The following AGPAT5 variants were observed in gnomAD, a reference collection of about 807,000 sequenced individuals.
AGPAT5 encodes the protein 1-acyl-sn-glycerol-3-phosphate acyltransferase epsilon.
In AGPAT5, 46 loss-of-function variants were observed where a neutral mutation model predicts 45.6. The ratio of observed to expected loss-of-function variants is 1.01; its 90% CI spans 0.80 to 1.29. The LOEUF is 1.29. Among genes scored for constraint, AGPAT5 ranks in the 50% most tolerant of loss-of-function variants. The pLI is 0.00. For missense variants in AGPAT5, 673 were observed against 450.7 expected, an observed-to-expected ratio of 1.49 and a Z score of -4.47; for synonymous variants, 272 against 167.0, an observed-to-expected ratio of 1.63 and a Z score of -4.85.
chr8:6,744,320 G>A (rs182838831), intron 5 of AGPAT5, among the ~76,000 whole-genome samples: 23 of 152,308 alleles, frequency 1.5e-4, no homozygotes, highest in Non-Finnish European at 2.9e-4. Flanking sequence ...AAGAAAGCTA[G>A]TGCTCAGCTT....
At chr8:6,747,477 A>G (rs958532807) in intron 5 of AGPAT5, among the ~76,000 whole-genome samples, 193 bp from the exon 6 acceptor site, 4 of 152,262 alleles carry the variant, frequency 2.6e-5, no homozygotes, top group Non-Finnish European at 5.9e-5. Flanking sequence ...TATATAGCAA[A>G]TGAATATTGA....
At chr8:6,721,215 T>C (rs761769535) in intron 1 of AGPAT5, among the ~76,000 whole-genome samples, 2 of 152,230 alleles carry the variant, frequency 1.3e-5, no homozygotes, top group Non-Finnish European at 2.9e-5. Context: ...AGAAATCTTA[T>C]AATGATTAAC....
At chr8:6,752,191 A>G (rs1484334689) in intron 6 of AGPAT5, among the ~76,000 whole-genome samples, 1 of 152,194 alleles carries the variant, frequency 6.6e-6, no homozygotes, top group South Asian at 2.1e-4. Context: ...AAAAGGGATC[A>G]GGGAAGAGGG....
chr8:6,717,727 C>A (rs1800375869), intron 1 of AGPAT5, among the ~76,000 whole-genome samples: 1 of 152,178 alleles, frequency 6.6e-6, no homozygotes, highest in Non-Finnish European at 1.5e-5. Context: ...GGTGCACTTA[C>A]ATATTGCATT....
intron 1 of AGPAT5, among the ~76,000 whole-genome samples, chr8:6,717,939 T>G (rs1170100954): frequency 2.0e-5 from 3 of 152,242 alleles, no homozygotes; most frequent in Admixed American, 2.0e-4. Flanking sequence ...TTTGGGATCT[T>G]GCAGTGAGAA....
rs1369303536 is a variant in AGPAT5 at position 6,758,205 on chromosome 8, T to G, written c.*817T>G. 6.6e-6 allele frequency: 1 copy of G among 152,638 alleles called. No individual in the cohort carries two copies. Among genetic ancestry groups the G allele is most frequent in the Non-Finnish European group, 1.5e-5 (1 of 68,046 alleles). 9.5% of individuals were successfully genotyped at this position (152,638 alleles called of 1,614,324 possible). ...GAAAACGTTAAGGTTTTCTGTTTTG[T>G]TTTGTTTTTTTAATATCAAAAGAGT... On this transcript the variant is annotated 3_prime_UTR_variant, in exon 8 of 8. Coordinates refer to ENST00000285518, the MANE Select transcript of AGPAT5 (RefSeq NM_018361.5).
intron 4 of AGPAT5, 44 bp from the exon 5 acceptor site, chr8:6,741,617 C>G (rs989086911): frequency 7.2e-7 from 1 of 1,390,612 alleles, no homozygotes; most frequent in Non-Finnish European, 9.9e-7. Context: ...ATAACAAAAA[C>G]AAAGCTCACA....
chr8:6,743,824 C>T (rs1428552494), intron 5 of AGPAT5, among the ~76,000 whole-genome samples: 1 of 151,352 alleles, frequency 6.6e-6, no homozygotes, highest in Non-Finnish European at 1.5e-5. Context: ...GCGAAGGTGA[C>T]ATACTTAAGC....
At chr8:6,719,031 A>T (rs773959743) in intron 1 of AGPAT5, among the ~76,000 whole-genome samples, 13 of 152,206 alleles carry the variant, frequency 8.5e-5, no homozygotes, top group Non-Finnish European at 1.6e-4. Flanking sequence ...GTACCTTTCC[A>T]TGGTCGAAGA....
intron 4 of AGPAT5, among the ~76,000 whole-genome samples, chr8:6,735,695 G>A (rs551158681): frequency 1.3e-5 from 2 of 152,106 alleles, no homozygotes; most frequent in African/African-American, 2.4e-5. Context: ...TGTTGTTGTT[G>A]TTGTAGGGTT....
chr8:6,718,787 C>T (rs1290778571), intron 1 of AGPAT5, among the ~76,000 whole-genome samples: 2 of 152,224 alleles, frequency 1.3e-5, no homozygotes, highest in East Asian at 1.9e-4. Flanking sequence ...GGCCACCTCT[C>T]AGGTTATTCT....
chr8:6,754,840 A>G (rs1587070812), intron 6 of AGPAT5, among the ~76,000 whole-genome samples: 1 of 152,080 alleles, frequency 6.6e-6, no homozygotes. Flanking sequence ...TGACTTAGAA[A>G]TTATAACATG....
intron 6 of AGPAT5, among the ~76,000 whole-genome samples, chr8:6,751,238 A>G (rs1254444782): frequency 6.6e-6 from 1 of 152,186 alleles, no homozygotes; most frequent in Non-Finnish European, 1.5e-5. Context: ...ATTAGTATTA[A>G]ATATTATCTC....
chr8:6,725,365 A>G (rs73661463), intron 2 of AGPAT5, among the ~76,000 whole-genome samples: 4,193 of 152,300 alleles, frequency 0.028, 184 homozygotes, highest in African/African-American at 0.096. Flanking sequence ...CGTCATTTCT[A>G]GTGTCTGCTC....
intron 4 of AGPAT5, among the ~76,000 whole-genome samples, chr8:6,737,067 C>A (rs867895059): frequency 1.3e-5 from 2 of 152,158 alleles, no homozygotes; most frequent in African/African-American, 4.8e-5. Flanking sequence ...TTCAAATAAC[C>A]TAGTCTGGTT....
intron 1 of AGPAT5, among the ~76,000 whole-genome samples, chr8:6,724,170 A>G (rs933454538): frequency 6.6e-6 from 1 of 152,180 alleles, no homozygotes; most frequent in African/African-American, 2.4e-5. Context: ...TTTCTCTCAT[A>G]CTTACAGAAT....
chr8:6,758,709 A>ATC lies in AGPAT5; in HGVS notation c.*1321_*1322insTC, dbSNP rs1801928499. Reference sequence around the variant, plus strand: ...CTTAGAGCAAGAGCTGTGTTCCAGGAACCAGATCACGATTTTTAGCCATGG... The same window carrying ATC: ...CTTAGAGCAAGAGCTGTGTTCCAGGATCACCAGATCACGATTTTTAGCCATGG... On this transcript the variant is annotated 3_prime_UTR_variant, in exon 8 of 8. Transcript: ENST00000285518. 1 of 152,656 alleles carries ATC rather than the reference A, an allele frequency of 6.6e-6. No individual in the cohort carries two copies. The highest frequency in any genetic ancestry group is 1.5e-5 in the Non-Finnish European group (1 of 68,038). 9.5% of individuals were successfully genotyped at this position (152,656 alleles called of 1,614,324 possible). A position where few individuals can be genotyped will look rare whatever the true frequency, so the allele number is the denominator to read the frequency against.
At chr8:6,735,258 T>A (rs961352573) in intron 4 of AGPAT5, among the ~76,000 whole-genome samples, 1 of 152,178 alleles carries the variant, frequency 6.6e-6, no homozygotes, top group Admixed American at 6.5e-5. Flanking sequence ...TGCTGTTCCA[T>A]AGGAAAGGTA....
Position 6,720,428 on chromosome 8 carries a change from C to T in AGPAT5, c.220-4442C>T, listed in dbSNP as rs148586014. Among the ~76,000 whole-genome samples the T allele has an allele frequency of 1.2e-3, 178 of 152,230 alleles. 1 individual carries two copies. The highest frequency in any genetic ancestry group is 3.9e-3 in the African/African-American group (160 of 41,520). The stretch of plus-strand genomic sequence containing the variant: ...AGTCAGAACAGTGCTTGTCAAGGGG[C>T]GTTACCACACACTTGAACAGATTTT... On this transcript the variant is annotated intron_variant, in intron 1 of 7. Coordinates refer to ENST00000285518, the MANE Select transcript of AGPAT5 (RefSeq NM_018361.5).
Sources: gnomAD v4.1 joint callset for allele counts (sites outside exome capture counted in the v4.1 genomes callset) on GRCh38, gnomAD v4.1.1 for gene constraint, MANE v1.5 for transcripts, NCBI Gene and HGNC (gene_info 2026-07-23, HGNC 2026-07-21) for gene names.